The following TIFAB variants were observed in gnomAD, a reference collection of about 807,000 sequenced individuals.
TIFAB encodes the protein TIFA inhibitor.
For missense variants in TIFAB, 222 were observed against 203.6 expected, an observed-to-expected ratio of 1.09 and a Z score of -0.55; for synonymous variants, 116 against 95.2, an observed-to-expected ratio of 1.22 and a Z score of -1.27.
At chr5:135,450,973 A>AT (rs1243703945) in intron 1 of TIFAB, among the ~76,000 whole-genome samples, 6 of 152,146 alleles carry the variant, frequency 3.9e-5, no homozygotes, top group African/African-American at 1.4e-4. Flanking sequence ...CTCTCCATTC[A>AT]TTCCATCTTT....
Position 135,449,822 on chromosome 5 carries a change from G to C in TIFAB, c.118C>G (p.Arg40Gly), listed in dbSNP as rs199568813. 3 of 1,609,280 alleles carry C rather than the reference G, an allele frequency of 1.9e-6. No individual in the cohort carries two copies. Among genetic ancestry groups the C allele is most frequent in the Middle Eastern group, 1.7e-4 (1 of 6,036 alleles). ...AGCTGGAGGTGGGCGTCCTGCCCCCGTCCGAGAAGCAGAGGGCTGGTATCA... is the reference window on the plus strand; with the variant it reads ...AGCTGGAGGTGGGCGTCCTGCCCCCCTCCGAGAAGCAGAGGGCTGGTATCA... ...QHDTSPLLLG[R>G]GQDAHLQLQL... Residue 40 changes from arginine to glycine, a missense_variant, in exon 2 of 2, where the codon CGG (arginine) becomes GGG (glycine). Arg to Gly is a moderately radical substitution (Grantham distance 125). Coordinates refer to ENST00000537858, the MANE Select transcript of TIFAB (RefSeq NM_001099221.2).
In TIFAB at chr5:135,449,164, C is replaced by T. The variant is rs984187891; in HGVS notation, c.*290G>A. ...TCCCATTACATTGCATAGCTCTGGC[C>T]ACAGAGGGTGCTTCTCCCCCCTGGG... is the stretch of plus-strand genomic sequence containing the variant. On this transcript the variant is annotated 3_prime_UTR_variant, in exon 2 of 2. Coordinates refer to ENST00000537858, the MANE Select transcript of TIFAB (RefSeq NM_001099221.2). 5.3e-5 allele frequency: 25 copies of T among 467,988 alleles called. No individual in the cohort carries two copies. Among genetic ancestry groups the T allele is most frequent in the African/African-American group, 4.9e-4 (25 of 51,180 alleles). The allele number at this position is 467,988 out of a possible 1,614,324, so 29.0% of individuals were successfully genotyped here.
Position 135,446,111 on chromosome 5 carries a change from C to G in TIFAB, c.*3343G>C, listed in dbSNP as rs997565354. ...GTCTGGGTGCCTTAAATTTGTGATG[C>G]CTCAAACTGACCTTCACAATGACTC... On this transcript the variant is annotated 3_prime_UTR_variant, in exon 2 of 2. Coordinates refer to ENST00000537858, the MANE Select transcript of TIFAB (RefSeq NM_001099221.2). The G allele has an allele frequency of 6.4e-5, 22 of 344,320 alleles. No homozygotes were observed. In the Admixed American group the frequency reaches 6.7e-4, roughly 11 times the overall value. The allele number at this position is 344,320 out of a possible 1,614,324, so 21.3% of individuals were successfully genotyped here. A position where few individuals can be genotyped will look rare whatever the true frequency, so the allele number is the denominator to read the frequency against.
intron 1 of TIFAB, among the ~76,000 whole-genome samples, chr5:135,451,372 C>T (rs965964368): frequency 1.3e-5 from 2 of 152,108 alleles, no homozygotes; most frequent in Admixed American, 6.5e-5. Context: ...GTGAGGGCAC[C>T]CTTTCACTAT....
At position 135,446,305 on chromosome 5, in the gene TIFAB, C is replaced by T; in HGVS notation, c.*3149G>A. The T allele has an allele frequency of 6.6e-7, 1 of 1,521,834 alleles. No individual in the cohort carries two copies. The highest frequency in any genetic ancestry group is 8.8e-7 in the Non-Finnish European group (1 of 1,133,150). 94.3% of individuals were successfully genotyped at this position (1,521,834 alleles called of 1,614,324 possible). ...GAGGGCCCTAGCTGGGAGCAGCGTT[C>T]ATGTGCACTGTATGTTCGTGTTTAG... On this transcript the variant is annotated 3_prime_UTR_variant, in exon 2 of 2. Coordinates refer to ENST00000537858, the MANE Select transcript of TIFAB (RefSeq NM_001099221.2).
rs1234271725 is a variant in TIFAB, at chr5:135,449,757, C to T, written c.183G>A (p.Glu61=). The T allele has an allele frequency of 1.9e-6, 3 of 1,613,504 alleles. No individual in the cohort carries two copies. In the East Asian group the frequency reaches 6.7e-5, roughly 36 times the overall value. The change falls in exon 2 of 2, where the codon GAG becomes GAA. Residue 61 remains glutamate, a synonymous_variant. Coordinates refer to ENST00000537858, the MANE Select transcript of TIFAB (RefSeq NM_001099221.2). The part of the protein sequence containing the change: ...PRLSRRHLSL[E]PYLEKGSALL... The stretch of plus-strand genomic sequence containing the variant: ...GGGCACTGCCTTTCTCCAGGTAGGG[C>T]TCCAGGGACAGGTGACGGCGGGAGA...
rs370425129 is a variant in TIFAB, at chr5:135,446,361, C to G, written c.*3093G>C. On this transcript the variant is annotated 3_prime_UTR_variant, in exon 2 of 2. Transcript: ENST00000537858. ...GTCTGTGCATACTTGCGTGTGTGCA[C>G]ACGCACACATGTTCACTCAGGCACG... 6.3e-7 allele frequency: 1 copy of G among 1,584,992 alleles called. No homozygotes were observed. Among genetic ancestry groups the G allele is most frequent in the East Asian group, 2.2e-5 (1 of 44,474 alleles).
chr5:135,447,719 G>A lies in TIFAB; in HGVS notation c.*1735C>T, dbSNP rs550819936. The A allele has an allele frequency of 5.1e-5, 8 of 155,788 alleles. No individual in the cohort carries two copies. The South Asian group carries it at 1.2e-3, about 23-fold the overall frequency. 9.7% of individuals were successfully genotyped at this position (155,788 alleles called of 1,614,324 possible). ...CACATGGTAGGCACTCAACAGGCAA[G>A]GCCACTTAACAAGAGAATGTGAGCC... On this transcript the variant is annotated 3_prime_UTR_variant, in exon 2 of 2. Coordinates refer to ENST00000537858, the MANE Select transcript of TIFAB (RefSeq NM_001099221.2).
Position 135,446,324 on chromosome 5 carries a change from T to C in TIFAB, c.*3130A>G. The C allele has an allele frequency of 6.5e-7, 1 of 1,539,432 alleles. No individual in the cohort carries two copies. Among genetic ancestry groups the C allele is most frequent in the East Asian group, 2.3e-5 (1 of 44,100 alleles). ...AGCGTTCATGTGCACTGTATGTTCG[T>C]GTTTAGTGTATGTCTGTGCATACTT... On this transcript the variant is annotated 3_prime_UTR_variant, in exon 2 of 2. Coordinates refer to ENST00000537858, the MANE Select transcript of TIFAB (RefSeq NM_001099221.2).
intron 1 of TIFAB, 62 bp from the exon 2 acceptor site, chr5:135,450,011 G>A (rs1184750096): frequency 6.6e-7 from 1 of 1,505,728 alleles, no homozygotes; most frequent in Non-Finnish European, 8.9e-7. Flanking sequence ...GTGGCTCCCT[G>A]AGCCCAGACA....
chr5:135,447,312 G>T lies in TIFAB; in HGVS notation c.*2142C>A. ...CGTGGCTACAACTAAATCCCTAGTTGGGGAATCACAGAGCACAGGTAAGCC... is the reference window on the plus strand; with the variant it reads ...CGTGGCTACAACTAAATCCCTAGTTTGGGAATCACAGAGCACAGGTAAGCC... On this transcript the variant is annotated 3_prime_UTR_variant, in exon 2 of 2. Coordinates refer to ENST00000537858, the MANE Select transcript of TIFAB (RefSeq NM_001099221.2). The T allele has an allele frequency of 1.5e-6, 1 of 646,632 alleles. No individual in the cohort carries two copies. Among genetic ancestry groups the T allele is most frequent in the Non-Finnish European group, 2.7e-6 (1 of 368,794 alleles). The allele number at this position is 646,632 out of a possible 1,614,324, so 40.1% of individuals were successfully genotyped here. A position where few individuals can be genotyped will look rare whatever the true frequency, so the allele number is the denominator to read the frequency against.
chr5:135,448,580 A>T lies in TIFAB; in HGVS notation c.*874T>A, dbSNP rs1769312770. The T allele has an allele frequency of 1.3e-5, 2 of 151,906 alleles. No homozygotes were observed. Among genetic ancestry groups the T allele is most frequent in the Admixed American group, 1.3e-4 (2 of 15,256 alleles). 9.4% of individuals were successfully genotyped at this position (151,906 alleles called of 1,614,324 possible). On this transcript the variant is annotated 3_prime_UTR_variant, in exon 2 of 2. Transcript: ENST00000537858. ...CCCCACCCCATCCCCTCATTCCCTA[A>T]AGACCTTGCCCTCAAGTCAACCAAG...
In TIFAB at chr5:135,446,329, A is replaced by G; in HGVS notation, c.*3125T>C. 6.5e-7 allele frequency: 1 copy of G among 1,543,066 alleles called. No individual in the cohort carries two copies. The highest frequency in any genetic ancestry group is 1.4e-5 in the African/African-American group (1 of 73,116). ...TCATGTGCACTGTATGTTCGTGTTT[A>G]GTGTATGTCTGTGCATACTTGCGTG... On this transcript the variant is annotated 3_prime_UTR_variant, in exon 2 of 2. Coordinates refer to ENST00000537858, the MANE Select transcript of TIFAB (RefSeq NM_001099221.2).
Position 135,447,395 on chromosome 5 carries a change from G to A in TIFAB, c.*2059C>T, listed in dbSNP as rs1223174709. On this transcript the variant is annotated 3_prime_UTR_variant, in exon 2 of 2. Coordinates refer to ENST00000537858, the MANE Select transcript of TIFAB (RefSeq NM_001099221.2). Reference sequence around the variant, plus strand: ...AGTCTTCCTTAGCTCCGTGTGGATGGTGAGCCCTCCTCTCTCAGGTCTCAT... The same window carrying A: ...AGTCTTCCTTAGCTCCGTGTGGATGATGAGCCCTCCTCTCTCAGGTCTCAT... The A allele has an allele frequency of 2.0e-6, 1 of 488,200 alleles. No homozygotes were observed. Among genetic ancestry groups the A allele is most frequent in the African/African-American group, 2.0e-5 (1 of 51,106 alleles). 30.2% of individuals were successfully genotyped at this position (488,200 alleles called of 1,614,324 possible).
In TIFAB at chr5:135,449,684, C is replaced by A; in HGVS notation, c.256G>T (p.Val86Phe). The A allele has an allele frequency of 6.2e-7, 1 of 1,614,150 alleles. No individual in the cohort carries two copies. Among genetic ancestry groups the A allele is most frequent in the Non-Finnish European group, 8.5e-7 (1 of 1,180,046 alleles). The change falls in exon 2 of 2, where the codon GTC becomes TTC. Residue 86 changes from valine to phenylalanine, a missense_variant. Coordinates refer to ENST00000537858, the MANE Select transcript of TIFAB (RefSeq NM_001099221.2). ...KALSRKGCVW[V>F]NGLTLRYLEQ... The stretch of plus-strand genomic sequence containing the variant: ...AGGTACCTCAGCGTCAGCCCATTGA[C>A]CCACACACAGCCCTTGCGGCTCAGG...
intron 1 of TIFAB, among the ~76,000 whole-genome samples, chr5:135,451,065 C>G (rs1321074048): frequency 6.6e-6 from 1 of 152,212 alleles, no homozygotes; most frequent in Non-Finnish European, 1.5e-5. Flanking sequence ...CTCCCAAGGG[C>G]TGGGTATGGT....
Position 135,444,867 on chromosome 5 carries a change from C to G in TIFAB, c.*4587G>C, listed in dbSNP as rs554563445. On this transcript the variant is annotated 3_prime_UTR_variant, in exon 2 of 2. Coordinates refer to ENST00000537858, the MANE Select transcript of TIFAB (RefSeq NM_001099221.2). ...TCCTGCTGTGAAACTGTTAAAGCCA[C>G]CCATCCTATGAAACTCACTCCTTTG... The G allele has an allele frequency of 1.3e-5, 2 of 152,310 alleles. No homozygotes were observed. The highest frequency in any genetic ancestry group is 1.3e-4 in the Admixed American group (2 of 15,286). 9.4% of individuals were successfully genotyped at this position (152,310 alleles called of 1,614,324 possible). A position where few individuals can be genotyped will look rare whatever the true frequency, so the allele number is the denominator to read the frequency against.
Position 135,446,860 on chromosome 5 carries a change from C to T in TIFAB, c.*2594G>A. On this transcript the variant is annotated 3_prime_UTR_variant, in exon 2 of 2. Coordinates refer to ENST00000537858, the MANE Select transcript of TIFAB (RefSeq NM_001099221.2). ...CCCTGTGGAGGAATTGAACTGCCCC[C>T]TCTCGCAGGACCCCAGCTGGCAAGG... 1 of 1,613,920 alleles carries T rather than the reference C, an allele frequency of 6.2e-7. No homozygotes were observed. Among genetic ancestry groups the T allele is most frequent in the Non-Finnish European group, 8.5e-7 (1 of 1,179,834 alleles).
rs1177436898 is a variant in TIFAB, at chr5:135,444,640, G to A, written c.*4814C>T. On this transcript the variant is annotated 3_prime_UTR_variant, in exon 2 of 2. Coordinates refer to ENST00000537858, the MANE Select transcript of TIFAB (RefSeq NM_001099221.2). Reference sequence around the variant, plus strand: ...CAATGCGCTGTCCCCACCACATGGAGCTTGCTTGCCTCCGCACCTCTTTGC... The same window carrying A: ...CAATGCGCTGTCCCCACCACATGGAACTTGCTTGCCTCCGCACCTCTTTGC... 2 of 152,268 alleles carry A rather than the reference G, an allele frequency of 1.3e-5. No individual in the cohort carries two copies. The highest frequency in any genetic ancestry group is 1.3e-4 in the Admixed American group (2 of 15,290). 9.4% of individuals were successfully genotyped at this position (152,268 alleles called of 1,614,324 possible).
Sources: allele counts gnomAD v4.1 joint callset (sites outside exome capture counted in the v4.1 genomes callset), GRCh38; gene constraint gnomAD v4.1.1; transcripts MANE v1.5; gene names NCBI Gene and HGNC (gene_info 2026-07-23, HGNC 2026-07-21).